Variants in SNTG1 observed in about 807,000 individuals in gnomAD.
The protein encoded by SNTG1 is gamma-1-syntrophin.
SNTG1 carries 39 observed loss-of-function variants against 74.7 expected under a neutral mutation model. The observed-to-expected ratio is 0.52, with a 90% CI of 0.40 to 0.68. SNTG1 has a LOEUF of 0.68. Among genes scored for constraint, SNTG1 ranks in the 30% least tolerant of loss-of-function variants. The pLI, the probability that SNTG1 is intolerant of heterozygous loss-of-function variation, is 0.00. For missense variants in SNTG1, 685 were observed against 609.5 expected (o/e 1.12, Z -1.30); for synonymous variants, 254 against 217.1 (o/e 1.17, Z -1.49).
At chr8:50,026,718 T>C (rs1374557435) in intron 1 of SNTG1, among the ~76,000 whole-genome samples, 3 of 152,154 alleles carry the variant, frequency 2.0e-5, no homozygotes, top group Non-Finnish European at 4.4e-5. Context: ...TGTGTGTGTG[T>C]ATCCTAAAAA....
At chr8:50,567,708 T>C (rs2094523886) in intron 12 of SNTG1, among the ~76,000 whole-genome samples, 1 of 152,134 alleles carries the variant, frequency 6.6e-6, no homozygotes, top group Non-Finnish European at 1.5e-5. Context: ...AAATTAATGT[T>C]TTAAATGGAT....
chr8:50,516,225 T>C (rs2094132900), intron 9 of SNTG1, among the ~76,000 whole-genome samples: 1 of 151,944 alleles, frequency 6.6e-6, no homozygotes, highest in Non-Finnish European at 1.5e-5. Flanking sequence ...GGAGAAAAAC[T>C]AACAAACAGA....
Position 50,268,074 on chromosome 8 carries a change from G to A in SNTG1, c.-28+95439G>A, listed in dbSNP as rs144062612. Among the ~76,000 whole-genome samples, 341 of 152,226 alleles carry A rather than the reference G, an allele frequency of 2.2e-3. 2 individuals carry two copies. Among genetic ancestry groups the A allele is most frequent in the African/African-American group, 7.5e-3 (313 of 41,542 alleles). ...TATGAGTTTAGCAAGGTTACATGAC[G>A]CAAGACCCACATAAATTGATTTGCA... is the stretch of plus-strand genomic sequence containing the variant. On this transcript the variant is annotated intron_variant, in intron 2 of 18. Coordinates refer to ENST00000642720, the MANE Select transcript of SNTG1 (RefSeq NM_018967.5).
At chr8:50,391,117 A>C (rs1386403045) in intron 2 of SNTG1, among the ~76,000 whole-genome samples, 1 of 152,072 alleles carries the variant, frequency 6.6e-6, no homozygotes, top group African/African-American at 2.4e-5. Context: ...GTTGAATAGG[A>C]GTGGTGAGAG....
At chr8:50,477,725 G>A (rs764210551) in intron 8 of SNTG1, among the ~76,000 whole-genome samples, 11 of 152,266 alleles carry the variant, frequency 7.2e-5, no homozygotes, top group South Asian at 2.1e-4. Context: ...ATAGGAAACC[G>A]GATGTGGGGT....
At chr8:49,915,968 C>T (rs185015917) in intron 1 of SNTG1, among the ~76,000 whole-genome samples, 75 of 152,176 alleles carry the variant, frequency 4.9e-4, no homozygotes, top group African/African-American at 1.5e-3. Context: ...GGGTTTTAAA[C>T]GTCACTATGA....
intron 9 of SNTG1, among the ~76,000 whole-genome samples, chr8:50,506,592 A>G (rs755544250): frequency 5.3e-5 from 8 of 151,916 alleles, no homozygotes; most frequent in Non-Finnish European, 1.0e-4. Flanking sequence ...ATTCTTTTTG[A>G]TGCTATTATC....
intron 11 of SNTG1, among the ~76,000 whole-genome samples, chr8:50,541,189 T>A (rs1260964007): frequency 6.6e-6 from 1 of 151,728 alleles, no homozygotes; most frequent in African/African-American, 2.4e-5. Context: ...AAAACTGTAA[T>A]ACAATATCCC....
At position 50,242,284 on chromosome 8, in the gene SNTG1, T is replaced by C. The variant is rs543602038; in HGVS notation, c.-28+69649T>C. On this transcript the variant is annotated intron_variant, in intron 2 of 18. Transcript: ENST00000642720. ...TGGCTTACACCTGTAATCCCAGGAC[T>C]TTGGGAGGCAGAGGTGAGTGAATCG... Among the ~76,000 whole-genome samples, 4 of 152,012 alleles carry C rather than the reference T, an allele frequency of 2.6e-5. No homozygotes were observed. The South Asian group carries it at 6.2e-4, about 24-fold the overall frequency.
chr8:50,531,271 G>A (rs1467275499), intron 10 of SNTG1, among the ~76,000 whole-genome samples: 1 of 151,628 alleles, frequency 6.6e-6, no homozygotes, highest in African/African-American at 2.4e-5. Context: ...TACAAATCTA[G>A]GGATATTTTC....
intron 4 of SNTG1, among the ~76,000 whole-genome samples, chr8:50,429,572 G>C (rs1460083735): frequency 6.6e-6 from 1 of 152,058 alleles, no homozygotes; most frequent in Non-Finnish European, 1.5e-5. Flanking sequence ...ATTGGTTCAG[G>C]CAATGGTTTT....
intron 13 of SNTG1, among the ~76,000 whole-genome samples, chr8:50,627,354 C>A (rs78122085): frequency 0.038 from 5,725 of 152,224 alleles, 179 homozygotes; most frequent in African/African-American, 0.076. Context: ...CTGCTATAAA[C>A]AAGGCTTGCA....
intron 15 of SNTG1, among the ~76,000 whole-genome samples, chr8:50,703,590 T>A (rs73571208): frequency 0.1 from 15,494 of 152,088 alleles, 2,215 homozygotes; most frequent in African/African-American, 0.32. Context: ...AATACAGTAA[T>A]ATTTACTGTA....
At chr8:50,570,980 C>T (rs190847810) in intron 12 of SNTG1, among the ~76,000 whole-genome samples, 104 of 152,144 alleles carry the variant, frequency 6.8e-4, no homozygotes, top group Non-Finnish European at 1.4e-3. Context: ...CCACCACCAG[C>T]GTACAAGCGT....
intron 8 of SNTG1, among the ~76,000 whole-genome samples, chr8:50,493,537 C>T (rs930245674): frequency 2.6e-5 from 4 of 152,066 alleles, no homozygotes; most frequent in Admixed American, 1.3e-4. Context: ...GTATTTTGGG[C>T]ACCTTCCTAA....
intron 17 of SNTG1, among the ~76,000 whole-genome samples, chr8:50,739,491 G>A (rs2095537576): frequency 6.6e-6 from 1 of 152,024 alleles, no homozygotes; most frequent in East Asian, 1.9e-4. Context: ...CAGCCATTGT[G>A]GAAGACACTA....
chr8:50,527,531 T>A (rs2094231287), intron 9 of SNTG1, among the ~76,000 whole-genome samples: 1 of 152,116 alleles, frequency 6.6e-6, no homozygotes, highest in African/African-American at 2.4e-5. Context: ...TGTATATATA[T>A]GATTATTATT....
intron 17 of SNTG1, among the ~76,000 whole-genome samples, chr8:50,724,455 A>G (rs1383026308): frequency 6.6e-6 from 1 of 152,170 alleles, no homozygotes; most frequent in African/African-American, 2.4e-5. Context: ...TTAGCTAACA[A>G]ATTGGTTTCC....
At chr8:50,253,617 GGTGT>G (rs35398981) in intron 2 of SNTG1, among the ~76,000 whole-genome samples, 1 of 150,560 alleles carries the variant, frequency 6.6e-6, no homozygotes, top group South Asian at 2.1e-4. Flanking sequence ...AAGAAAATGT[GGTGT>G]GTGTGTGTGT....
Sources: allele counts gnomAD v4.1 joint callset (sites outside exome capture counted in the v4.1 genomes callset), GRCh38; gene constraint gnomAD v4.1.1; transcripts MANE v1.5; gene names NCBI Gene and HGNC (gene_info 2026-07-23, HGNC 2026-07-21).